HDAC4: variants seen among roughly 807,000 people sequenced by gnomAD.
HDAC4 encodes the protein histone deacetylase 4, also known as histone deacetylase A.
HDAC4 carries 16 observed loss-of-function variants against 135.1 expected under a neutral mutation model. The observed-to-expected ratio is 0.12, with a 90% CI of 0.08 to 0.18. HDAC4 has a LOEUF of 0.18. Among genes scored for constraint, HDAC4 ranks in the 10% least tolerant of loss-of-function variants. The pLI, the probability that HDAC4 is intolerant of heterozygous loss-of-function variation, is 1.00. For missense variants in HDAC4, 1,143 were observed against 1,511.8 expected (o/e 0.76, Z 4.05); for synonymous variants, 685 against 653.4 (o/e 1.05, Z -0.74).
chr2:239,298,088 TA>T, intron 2 of HDAC4: 1 of 733,038 alleles, frequency 1.4e-6, no homozygotes, highest in Non-Finnish European at 2.1e-6. Context: ...TTAGGGTTGC[TA>T]AAATATTTCA....
chr2:239,149,466 T>C (rs1247714719), intron 7 of HDAC4, among the ~76,000 whole-genome samples: 1 of 152,064 alleles, frequency 6.6e-6, no homozygotes, highest in Non-Finnish European at 1.5e-5. Flanking sequence ...AAACACAGCA[T>C]TGCAAACAAC....
rs2048436394 is a variant in HDAC4 at position 239,245,976 on chromosome 2, A to C, written c.23-9312T>G. On this transcript the variant is annotated intron_variant, in intron 2 of 26. Transcript: ENST00000543185. The surrounding 1 kb of genome is among the most constrained non-coding windows in gnomAD (Gnocchi z 4.4). ...CAACGCAGAGGCCTGGCCCCGGCCCAGCAGAACCGGCAACCCACACTGGCT... is the reference window on the plus strand; with the variant it reads ...CAACGCAGAGGCCTGGCCCCGGCCCCGCAGAACCGGCAACCCACACTGGCT... Among the ~76,000 whole-genome samples, 1 of 152,116 alleles carries C rather than the reference A, an allele frequency of 6.6e-6. No homozygotes were observed. The highest frequency in any genetic ancestry group is 1.9e-4 in the East Asian group (1 of 5,180).
At chr2:239,383,501 T>C (rs935108919) in intron 1 of HDAC4, among the ~76,000 whole-genome samples, 1 of 152,008 alleles carries the variant, frequency 6.6e-6, no homozygotes, top group Non-Finnish European at 1.5e-5. Flanking sequence ...AACAGGTGCC[T>C]CCTCAACTGG....
Position 239,387,071 on chromosome 2 carries a change from G to A in HDAC4, c.-220+13907C>T, listed in dbSNP as rs545957528. On this transcript the variant is annotated intron_variant, in intron 1 of 26. Transcript: ENST00000543185. ...TCTGTATGAGGGTGTGTGCGTGTCC[G>A]GGGAGCACGAGTGTGTGGGTGGGAA... Among the ~76,000 whole-genome samples, 24 of 151,548 alleles carry A rather than the reference G, an allele frequency of 1.6e-4. 1 individual carries two copies. Among genetic ancestry groups the A allele is most frequent in the African/African-American group, 5.1e-4 (21 of 40,782 alleles).
At chr2:239,260,601 A>G (rs2049300778) in intron 2 of HDAC4, among the ~76,000 whole-genome samples, 1 of 151,616 alleles carries the variant, frequency 6.6e-6, no homozygotes, top group Non-Finnish European at 1.5e-5. Flanking sequence ...CTATCAGGCC[A>G]CTCACTCCTG....
intron 12 of HDAC4, among the ~76,000 whole-genome samples, chr2:239,123,716 AG>A (rs2039891349): frequency 6.6e-6 from 1 of 152,196 alleles, no homozygotes; most frequent in Admixed American, 6.5e-5. Flanking sequence ...GCTTGAGAGA[AG>A]GAAATTGGGA....
chr2:239,189,669 C>G (rs150282515), intron 4 of HDAC4, among the ~76,000 whole-genome samples, 164 bp downstream of exon 4: 1 of 152,200 alleles, frequency 6.6e-6, no homozygotes, highest in Admixed American at 6.5e-5. Flanking sequence ...AAGTGCTGCC[C>G]GCGGTTTGTT....
rs556831794 is a variant in HDAC4, at chr2:239,169,182, T to C, written c.491-5259A>G. Among the ~76,000 whole-genome samples the C allele has an allele frequency of 7.2e-5, 11 of 152,324 alleles. No homozygotes were observed. The South Asian group carries it at 2.1e-3, about 29-fold the overall frequency. On this transcript the variant is annotated intron_variant, in intron 5 of 26. Coordinates refer to ENST00000543185, the MANE Select transcript of HDAC4 (RefSeq NM_001378414.1). Reference sequence around the variant, plus strand: ...TGTGGCACAAATCACCCAGCTGATATTTAAATTTTAAACTTCAATTCTTTG... The same window carrying C: ...TGTGGCACAAATCACCCAGCTGATACTTAAATTTTAAACTTCAATTCTTTG...
chr2:239,253,148 C>T (rs904592508), intron 2 of HDAC4, among the ~76,000 whole-genome samples: 1 of 152,250 alleles, frequency 6.6e-6, no homozygotes, highest in Non-Finnish European at 1.5e-5. Context: ...CTTCCTATCA[C>T]TCAACGTGCA....
At chr2:239,216,264 G>T (rs2046630895) in intron 3 of HDAC4, among the ~76,000 whole-genome samples, 1 of 151,734 alleles carries the variant, frequency 6.6e-6, no homozygotes, top group African/African-American at 2.4e-5. Flanking sequence ...TATTTATGCG[G>T]AAGATTCCAT....
chr2:239,056,148 G>A (rs1257302568), intron 24 of HDAC4, among the ~76,000 whole-genome samples: 1 of 152,186 alleles, frequency 6.6e-6, no homozygotes, highest in South Asian at 2.1e-4. Context: ...CTCTTTGGAG[G>A]CACACATACC....
chr2:239,334,127 C>T (rs1033901149), intron 2 of HDAC4, among the ~76,000 whole-genome samples: 8 of 152,198 alleles, frequency 5.3e-5, no homozygotes, highest in Admixed American at 1.3e-4. Flanking sequence ...TCTGGAGACA[C>T]GACAAATATA....
chr2:239,159,277 CCCA>C (rs938929411), intron 6 of HDAC4, among the ~76,000 whole-genome samples: 2 of 150,402 alleles, frequency 1.3e-5, no homozygotes, highest in African/African-American at 4.9e-5. Flanking sequence ...CCCACTCACG[CCCA>C]CACCTCACCT....
chr2:239,271,137 G>A (rs187045659), intron 2 of HDAC4, among the ~76,000 whole-genome samples: 2 of 152,232 alleles, frequency 1.3e-5, no homozygotes, highest in East Asian at 3.9e-4. Context: ...TTTTGAGACA[G>A]GGTCTTGCTC....
At chr2:239,389,543 TGGAA>T (rs1696058848) in intron 1 of HDAC4, among the ~76,000 whole-genome samples, 1 of 152,074 alleles carries the variant, frequency 6.6e-6, no homozygotes. Context: ...AAGAACCCAC[TGGAA>T]GGAACCAACT....
chr2:239,341,567 T>G (rs1172825099), intron 2 of HDAC4, among the ~76,000 whole-genome samples: 2 of 152,086 alleles, frequency 1.3e-5, no homozygotes, highest in Non-Finnish European at 2.9e-5. Context: ...AAACCCTGAG[T>G]GTGCTCAGAA....
In HDAC4 at chr2:239,346,922, A is replaced by AAC. The variant is rs201565520; in HGVS notation, c.22+5754_22+5755dup. Among the ~76,000 whole-genome samples, 723 of 106,860 alleles carry AAC rather than the reference A, an allele frequency of 6.8e-3. 2 individuals carry two copies. Among genetic ancestry groups the AAC allele is most frequent in the African/African-American group, 0.02 (681 of 33,574 alleles). The allele number at this position is 106,860 out of a possible 152,430, so 70.1% of individuals were successfully genotyped here. ...TCTCTCACACACACACCCTGTCTAA[A>AAC]ACACACACACACCCTAACACATACA... On this transcript the variant is annotated intron_variant, in intron 2 of 26. Coordinates refer to ENST00000543185, the MANE Select transcript of HDAC4 (RefSeq NM_001378414.1).
At chr2:239,301,471 C>CTT (rs764763791) in intron 2 of HDAC4, among the ~76,000 whole-genome samples, 6 of 133,686 alleles carry the variant, frequency 4.5e-5, no homozygotes, top group African/African-American at 1.3e-4. Context: ...TGCTTTCTTT[C>CTT]TTTTTTTTTT....
chr2:239,372,592 T>G (rs1559391535), intron 1 of HDAC4, among the ~76,000 whole-genome samples: 2 of 152,202 alleles, frequency 1.3e-5, no homozygotes, highest in Non-Finnish European at 2.9e-5. Flanking sequence ...GGCCTCCCGG[T>G]ACACCAGGAG....
Sources: allele counts gnomAD v4.1 joint callset (sites outside exome capture counted in the v4.1 genomes callset), GRCh38; gene constraint gnomAD v4.1.1; non-coding constraint Gnocchi (gnomAD v3.1); transcripts MANE v1.5; gene names NCBI Gene and HGNC (gene_info 2026-07-23, HGNC 2026-07-21).